The following KCNQ5 variants were observed in gnomAD, a reference collection of about 807,000 sequenced individuals.
KCNQ5 encodes potassium voltage-gated channel subfamily Q member 5.
In KCNQ5, 30 loss-of-function variants were observed where a neutral mutation model predicts 98.2. The observed-to-expected ratio is 0.31, with a 90% CI of 0.23 to 0.41. KCNQ5 has a LOEUF of 0.41. Among genes scored for constraint, KCNQ5 ranks in the 10% least tolerant of loss-of-function variants. The probability of loss-of-function intolerance (pLI) is 1.00; values close to 1 mark genes in which losing one functional copy is unlikely to be tolerated. For synonymous variants in KCNQ5, 458 were observed against 449.4 expected (o/e 1.02, Z -0.24); for missense variants, 835 against 1,182.5 (o/e 0.71, Z 4.31).
At chr6:73,190,263 G>C (rs183200728) in intron 11 of KCNQ5, among the ~76,000 whole-genome samples, 4,694 of 152,224 alleles carry the variant, frequency 0.031, 94 homozygotes, top group East Asian at 0.069. Context: ...AGATTGCATG[G>C]AAAAGTTAGA....
At chr6:72,768,818 T>A (rs1222773521) in intron 1 of KCNQ5, among the ~76,000 whole-genome samples, 1 of 152,078 alleles carries the variant, frequency 6.6e-6, no homozygotes, top group Non-Finnish European at 1.5e-5. Flanking sequence ...AAAATTTATT[T>A]TCATTGTAAA....
At chr6:72,895,253 C>A (rs1326091639) in intron 1 of KCNQ5, among the ~76,000 whole-genome samples, 1 of 148,974 alleles carries the variant, frequency 6.7e-6, no homozygotes, top group East Asian at 2.0e-4. Context: ...CGCACCACTG[C>A]ACACCAGCCT....
chr6:72,986,312 G>T, intron 1 of KCNQ5: 1 of 323,602 alleles, frequency 3.1e-6, no homozygotes. Flanking sequence ...GGTCACAGTG[G>T]AGCAGGCTCT....
At chr6:73,059,268 T>A (rs1393754852) in intron 3 of KCNQ5, among the ~76,000 whole-genome samples, 2 of 152,178 alleles carry the variant, frequency 1.3e-5, no homozygotes, top group African/African-American at 2.4e-5. Flanking sequence ...TGCAACAACA[T>A]GGATGAGGCT....
intron 1 of KCNQ5, among the ~76,000 whole-genome samples, chr6:72,846,973 G>C (rs145687485): frequency 6.6e-6 from 1 of 152,180 alleles, no homozygotes; most frequent in African/African-American, 2.4e-5. Flanking sequence ...TTCCTTTAAA[G>C]TCCATATGTG....
chr6:73,002,734 G>A (rs1042138910), intron 1 of KCNQ5, among the ~76,000 whole-genome samples: 1 of 152,152 alleles, frequency 6.6e-6, no homozygotes, highest in African/African-American at 2.4e-5. Flanking sequence ...TAGCATGAAA[G>A]CAGCCATAGA....
chr6:73,048,542 A>G (rs1772073718), intron 3 of KCNQ5, among the ~76,000 whole-genome samples: 1 of 152,328 alleles, frequency 6.6e-6, no homozygotes, highest in African/African-American at 2.4e-5. Context: ...CAGGCCTAAT[A>G]TGAATACTAT....
Position 72,883,011 on chromosome 6 carries a change from G to A in KCNQ5, c.399-120897G>A, listed in dbSNP as rs141403643. Among the ~76,000 whole-genome samples, 41 of 152,230 alleles carry A rather than the reference G, an allele frequency of 2.7e-4. No individual in the cohort carries two copies. In the East Asian group the frequency reaches 6.6e-3, roughly 24 times the overall value. ...ATGTGACTAACAAGTTATGACTCAC[G>A]CATGTGTTGGTCTGTAATTAATCAC... On this transcript the variant is annotated intron_variant, in intron 1 of 13. Transcript: ENST00000370398.
intron 9 of KCNQ5, chr6:73,125,298 A>C (rs2150445851): frequency 2.9e-6 from 1 of 349,352 alleles, no homozygotes; most frequent in East Asian, 8.6e-5. Flanking sequence ...TGAAAGAAAA[A>C]TTTCTTGATC....
chr6:72,833,093 A>G (rs567192367), intron 1 of KCNQ5, among the ~76,000 whole-genome samples: 1 of 152,288 alleles, frequency 6.6e-6, no homozygotes, highest in Non-Finnish European at 1.5e-5. Context: ...TGTCTAGTTG[A>G]TTCATTGTGA....
At chr6:72,964,350 A>G (rs1402006652) in intron 1 of KCNQ5, among the ~76,000 whole-genome samples, 1 of 152,240 alleles carries the variant, frequency 6.6e-6, no homozygotes, top group Non-Finnish European at 1.5e-5. Flanking sequence ...AATCAATAGT[A>G]GGAACAAGCC....
intron 1 of KCNQ5, among the ~76,000 whole-genome samples, chr6:72,868,063 G>A (rs561583975): frequency 4.9e-4 from 75 of 152,214 alleles, no homozygotes; most frequent in African/African-American, 1.7e-3. Context: ...GGGCCAATCC[G>A]TCAGTCACAT....
At chr6:73,187,286 C>T (rs1344372358) in intron 11 of KCNQ5, among the ~76,000 whole-genome samples, 1 of 152,080 alleles carries the variant, frequency 6.6e-6, no homozygotes, top group African/African-American at 2.4e-5. Context: ...GTCTCGATTT[C>T]CTGACCTCGT....
chr6:72,919,915 C>CCTAA (rs1436351978), intron 1 of KCNQ5, among the ~76,000 whole-genome samples: 1 of 152,136 alleles, frequency 6.6e-6, no homozygotes, highest in Admixed American at 6.6e-5. Context: ...GAGCCAAGAG[C>CCTAA]CTAAGCCCAG....
At chr6:72,780,018 A>G (rs59662349) in intron 1 of KCNQ5, among the ~76,000 whole-genome samples, 1,687 of 152,180 alleles carry the variant, frequency 0.011, 25 homozygotes, top group African/African-American at 0.038. Flanking sequence ...GAGATTCTTA[A>G]TTGGGATCAG....
intron 1 of KCNQ5, among the ~76,000 whole-genome samples, chr6:72,985,725 C>T (rs1451488941): frequency 6.6e-6 from 1 of 152,168 alleles, no homozygotes; most frequent in Non-Finnish European, 1.5e-5. Context: ...TAAATTAGTT[C>T]AACTACTTTG....
chr6:73,019,120 T>G (rs2150337405), intron 2 of KCNQ5, among the ~76,000 whole-genome samples: 1 of 152,264 alleles, frequency 6.6e-6, no homozygotes, highest in South Asian at 2.1e-4. Flanking sequence ...CCTGAATATT[T>G]ACCAGCATCC....
At chr6:73,153,527 CAGTT>C (rs1777234505) in intron 10 of KCNQ5, among the ~76,000 whole-genome samples, 1 of 152,122 alleles carries the variant, frequency 6.6e-6, no homozygotes, top group Non-Finnish European at 1.5e-5. Context: ...CCAAAAAAGT[CAGTT>C]AGTCCAGGCC....
At chr6:72,681,506 C>G (rs993727048) in intron 1 of KCNQ5, among the ~76,000 whole-genome samples, 11 of 152,116 alleles carry the variant, frequency 7.2e-5, no homozygotes, top group Non-Finnish European at 1.5e-4. Context: ...AAACCCAGAT[C>G]CAAAGTCTCT....
Sources: allele counts gnomAD v4.1 joint callset (sites outside exome capture counted in the v4.1 genomes callset), GRCh38; gene constraint gnomAD v4.1.1; transcripts MANE v1.5; gene names NCBI Gene and HGNC (gene_info 2026-07-23, HGNC 2026-07-21).